PRDX5: variants seen among roughly 807,000 people sequenced by gnomAD.
PRDX5 encodes the protein peroxiredoxin 5.
Under a neutral mutation model 23.8 loss-of-function variants are expected in PRDX5, and 21 were observed. That is an observed-to-expected ratio of 0.88 (90% confidence interval 0.63 to 1.27). PRDX5 has a LOEUF of 1.27. Ranked by LOEUF, PRDX5 falls within the 50% of genes most tolerant of loss-of-function variation. The pLI is 0.00. For missense variants in PRDX5, 261 were observed against 270.6 expected, an observed-to-expected ratio of 0.96 and a Z score of 0.25; for synonymous variants, 111 against 113.3, an observed-to-expected ratio of 0.98 and a Z score of 0.13.
chr11:64,318,256 G>C lies in PRDX5; in HGVS notation c.41G>C (p.Gly14Ala). Residue 14 changes from glycine to alanine, a missense_variant, in exon 1 of 6, where the codon GGC becomes GCC. Physicochemically the swap from Gly to Ala is moderately conservative, Grantham distance 60 (BLOSUM62 0). Transcript: ENST00000265462. ...GTGTGCGCCCTGAGACGCTCAGCGG[G>C]CTATATACTCGTCGGTGGGGCCGGC... The part of the protein sequence containing the change: ...AGVCALRRSA[G>A]YILVGGAGGQ... The C allele has an allele frequency of 6.2e-7, 1 of 1,612,260 alleles. No homozygotes were observed. The highest frequency in any genetic ancestry group is 8.5e-7 in the Non-Finnish European group (1 of 1,179,904).
intron 1 of PRDX5, among the ~76,000 whole-genome samples, chr11:64,319,089 C>G (rs2035415454): frequency 6.6e-6 from 1 of 151,926 alleles, no homozygotes; most frequent in Non-Finnish European, 1.5e-5. Flanking sequence ...CCTTGTGAGA[C>G]CCCATTCCCT....
At chr11:64,321,173 G>A (rs1231279801) in intron 5 of PRDX5, 105 bp downstream of exon 5, 11 of 1,326,606 alleles carry the variant, frequency 8.3e-6, no homozygotes, top group African/African-American at 7.3e-5. Context: ...AGTCGTCTGT[G>A]GGGGAGAGTC....
intron 2 of PRDX5, 47 bp from the exon 3 acceptor site, chr11:64,320,614 G>T: frequency 1.9e-6 from 3 of 1,544,916 alleles, no homozygotes; most frequent in Non-Finnish European, 2.6e-6. Flanking sequence ...TGGGCTGGGG[G>T]TCAGATGCAG....
intron 2 of PRDX5, among the ~76,000 whole-genome samples, chr11:64,320,374 A>G (rs539132936): frequency 6.6e-6 from 1 of 152,172 alleles, no homozygotes; most frequent in Non-Finnish European, 1.5e-5. Flanking sequence ...TAAATCCAAC[A>G]CCCCTGTTGG....
chr11:64,318,302 A>G lies in PRDX5; in HGVS notation c.87A>G (p.Ala29=), dbSNP rs1360531718. Residue 29 remains alanine, a synonymous_variant, in exon 1 of 6, where the codon GCA becomes GCG. Transcript: ENST00000265462. ...CCGGCGGTCAGTCTGCGGCAGCGGC[A>G]GCAAGACGGTACAGTGAAGGAGAGT... ...GGAGGQSAAA[A]ARRYSEGEWA... The G allele has an allele frequency of 6.2e-7, 1 of 1,612,642 alleles. No individual in the cohort carries two copies. The highest frequency in any genetic ancestry group is 2.2e-5 in the East Asian group (1 of 44,864).
rs942159937 is a variant in PRDX5, at chr11:64,318,293, G to C, written c.78G>C (p.Ala26=). Residue 26 remains alanine (A), a synonymous_variant, in exon 1 of 6, where the codon GCG becomes GCC. Coordinates refer to ENST00000265462, the MANE Select transcript of PRDX5 (RefSeq NM_012094.5). The part of the protein sequence containing the change: ...ILVGGAGGQS[A]AAAARRYSEG... ...TCGGTGGGGCCGGCGGTCAGTCTGC[G>C]GCAGCGGCAGCAAGACGGTACAGTG... is the stretch of plus-strand genomic sequence containing the variant. 1 of 1,612,372 alleles carries C rather than the reference G, an allele frequency of 6.2e-7. No individual in the cohort carries two copies. The highest frequency in any genetic ancestry group is 1.3e-5 in the African/African-American group (1 of 74,886).
At position 64,321,624 on chromosome 11, in the gene PRDX5, T is replaced by C. The variant is rs1455279896; in HGVS notation, c.578T>C (p.Leu193Pro). Residue 193 changes from leucine (L) to proline (P), a missense_variant, in exon 6 of 6, where the codon CTG becomes CCG. Leu to Pro is a moderately conservative substitution (Grantham distance 98). Transcript: ENST00000265462. Reference sequence around the variant, plus strand: ...GTACAGGATGGCATAGTGAAGGCCCTGAATGTGGAACCAGATGGCACAGGC... The same window carrying C: ...GTACAGGATGGCATAGTGAAGGCCCCGAATGTGGAACCAGATGGCACAGGC... ...MVVQDGIVKA[L>P]NVEPDGTGLT... 1 of 1,613,264 alleles carries C rather than the reference T, an allele frequency of 6.2e-7. No individual in the cohort carries two copies. Among genetic ancestry groups the C allele is most frequent in the East Asian group, 2.2e-5 (1 of 44,900 alleles).
In PRDX5 at chr11:64,320,670, C is replaced by G; in HGVS notation, c.316C>G (p.Pro106Ala). The G allele has an allele frequency of 6.3e-7, 1 of 1,598,052 alleles. No homozygotes were observed. Among genetic ancestry groups the G allele is most frequent in the Non-Finnish European group, 8.5e-7 (1 of 1,169,898 alleles). The change falls in exon 3 of 6, where the codon CCA (proline) becomes GCA (alanine). Residue 106 changes from proline to alanine, a missense_variant. Coordinates refer to ENST00000265462, the MANE Select transcript of PRDX5 (RefSeq NM_012094.5). ...FTPGCSKTHLPGFVEQAEALK... is the reference protein window; with the variant it reads ...FTPGCSKTHLAGFVEQAEALK... ...TGTTCCCCTTCCTCAGACACACCTG[C>G]CAGGGTTTGTGGAGCAGGCTGAGGC...
chr11:64,318,434 C>G (rs1388451138), intron 1 of PRDX5, 48 bp downstream of exon 1: 1 of 1,555,786 alleles, frequency 6.4e-7, no homozygotes, highest in Admixed American at 1.9e-5. Flanking sequence ...ACCCCCATGG[C>G]AATCCCCGTC....
rs1021486554 is a variant in PRDX5 at position 64,321,709 on chromosome 11, C to T, written c.*18C>T. The T allele has an allele frequency of 4.5e-6, 7 of 1,550,202 alleles. No homozygotes were observed. The highest frequency in any genetic ancestry group is 4.1e-5 in the African/African-American group (3 of 73,168). ...AGCTCTGAGGCCCTGGGCCAGATTA[C>T]TTCCTCCACCCCTCCCTATCTCACC... On this transcript the variant is annotated 3_prime_UTR_variant, in exon 6 of 6. Coordinates refer to ENST00000265462, the MANE Select transcript of PRDX5 (RefSeq NM_012094.5).
rs1477917883 is a variant in PRDX5 at position 64,318,392 on chromosome 11, C to A, written c.171+6C>A. 7 of 1,601,512 alleles carry A rather than the reference C, an allele frequency of 4.4e-6. No homozygotes were observed. Among genetic ancestry groups the A allele is most frequent in the Non-Finnish European group, 6.0e-6 (7 of 1,175,296 alleles). On this transcript the variant is annotated splice_donor_region_variant and intron_variant, in intron 1 of 5. Coordinates refer to ENST00000265462, the MANE Select transcript of PRDX5 (RefSeq NM_012094.5). Reference sequence around the variant, plus strand: ...CAGCCATGGCCCCAATCAAGGTGACCGCTGGCCCGGCCGGGCCTGACATCC... The same window carrying A: ...CAGCCATGGCCCCAATCAAGGTGACAGCTGGCCCGGCCGGGCCTGACATCC...
At chr11:64,320,121 T>C (rs2035452228) in intron 2 of PRDX5, among the ~76,000 whole-genome samples, 2 of 151,756 alleles carry the variant, frequency 1.3e-5, no homozygotes, top group Admixed American at 6.6e-5. Flanking sequence ...CTACTAAAAA[T>C]GCAAAAAAAT....
At chr11:64,319,388 C>G (rs1398552148) in intron 1 of PRDX5, among the ~76,000 whole-genome samples, 2 of 152,206 alleles carry the variant, frequency 1.3e-5, no homozygotes, top group Non-Finnish European at 2.9e-5. Flanking sequence ...CTCCTCACCC[C>G]CAAATACAGC....
intron 2 of PRDX5, among the ~76,000 whole-genome samples, chr11:64,320,293 A>G (rs944630486): frequency 6.6e-6 from 1 of 152,142 alleles, no homozygotes. Context: ...TGAAAAAAAA[A>G]AAAAAGAAAA....
chr11:64,319,585 G>A, intron 1 of PRDX5, 149 bp from the exon 2 acceptor site: 1 of 1,050,668 alleles, frequency 9.5e-7, no homozygotes, highest in Non-Finnish European at 1.4e-6. Context: ...CGGGCAGGGA[G>A]GGCCCTTGGA....
chr11:64,319,746 A>C lies in PRDX5; in HGVS notation c.184A>C (p.Ile62Leu). 1.2e-6 allele frequency: 2 copies of C among 1,613,752 alleles called. No individual in the cohort carries two copies. The highest frequency in any genetic ancestry group is 1.7e-6 in the Non-Finnish European group (2 of 1,179,838). The change falls in exon 2 of 6, where the codon ATC becomes CTC. Residue 62 changes from isoleucine (I) to leucine (L), a missense_variant. Transcript: ENST00000265462. ...TCCTTCCTTCTAGGTGGGAGATGCC[A>C]TCCCAGCAGTGGAGGTGTTTGAAGG... is the stretch of plus-strand genomic sequence containing the variant. ...AMAPIKVGDA[I>L]PAVEVFEGEP...
chr11:64,321,378 G>T (rs953234564), intron 5 of PRDX5, among the ~76,000 whole-genome samples: 1 of 150,956 alleles, frequency 6.6e-6, no homozygotes, highest in African/African-American at 2.4e-5. Flanking sequence ...TCTGGGGAGA[G>T]AGTCCTGTGT....
rs1302477041 is a variant in PRDX5, at chr11:64,321,683, C to A, written c.637C>A (p.Gln213Lys). 3.2e-6 allele frequency: 5 copies of A among 1,578,218 alleles called. No individual in the cohort carries two copies. The highest frequency in any genetic ancestry group is 4.3e-6 in the Non-Finnish European group (5 of 1,162,026). ...TCSLAPNIISQL is the reference protein window; with the variant it reads ...TCSLAPNIISKL ...CAGCCTGGCACCCAATATCATCTCA[C>A]AGCTCTGAGGCCCTGGGCCAGATTA... The change falls in exon 6 of 6, where the codon CAG becomes AAG. Residue 213 changes from glutamine (Q) to lysine (K), a missense_variant. By Grantham distance (53) the Gln-to-Lys change is moderately conservative. Transcript: ENST00000265462.
At chr11:64,318,836 A>G (rs2035402713) in intron 1 of PRDX5, among the ~76,000 whole-genome samples, 2 of 124,640 alleles carry the variant, frequency 1.6e-5, no homozygotes, top group Admixed American at 1.6e-4. Context: ...ACCTCAGGTG[A>G]ACCCCCCCCG....
Sources: allele counts gnomAD v4.1 joint callset (sites outside exome capture counted in the v4.1 genomes callset), GRCh38; gene constraint gnomAD v4.1.1; transcripts MANE v1.5; gene names NCBI Gene and HGNC (gene_info 2026-07-23, HGNC 2026-07-21).